The following HCN1 variants were observed in gnomAD, a reference collection of about 807,000 sequenced individuals.
HCN1 encodes hyperpolarization activated cyclic nucleotide gated potassium channel 1.
HCN1 carries 13 observed loss-of-function variants against 78.9 expected under a neutral mutation model. The ratio of observed to expected loss-of-function variants is 0.16; its 90% CI spans 0.11 to 0.26. The LOEUF (loss-of-function observed/expected upper bound fraction) is 0.26. Among genes scored for constraint, HCN1 ranks in the 10% least tolerant of loss-of-function variants. The pLI is 1.00. For missense variants in HCN1, 810 were observed against 1,154.3 expected, an observed-to-expected ratio of 0.70 and a Z score of 4.32; for synonymous variants, 552 against 455.5, an observed-to-expected ratio of 1.21 and a Z score of -2.70.
chr5:45,584,225 C>T (rs1047252903), intron 2 of HCN1, among the ~76,000 whole-genome samples: 17 of 150,056 alleles, frequency 1.1e-4, no homozygotes, highest in South Asian at 4.3e-4. Flanking sequence ...GTATTGGGTG[C>T]ATATATATTT....
At chr5:45,501,881 T>TA (rs1173351624) in intron 2 of HCN1, among the ~76,000 whole-genome samples, 7 of 152,320 alleles carry the variant, frequency 4.6e-5, no homozygotes, top group African/African-American at 1.4e-4. Context: ...TCAGAGTAGA[T>TA]ACAGCGTTTT....
At chr5:45,455,216 G>C (rs997826455) in intron 3 of HCN1, among the ~76,000 whole-genome samples, 1 of 151,940 alleles carries the variant, frequency 6.6e-6, no homozygotes, top group Non-Finnish European at 1.5e-5. Context: ...AACACAGTTT[G>C]GAAAACAGAA....
At chr5:45,538,033 TA>T (rs5867703) in intron 2 of HCN1, among the ~76,000 whole-genome samples, 119,247 of 147,010 alleles carry the variant, frequency 0.81, 48,570 homozygotes, top group Non-Finnish European at 0.86. Flanking sequence ...CAATAACAGT[TA>T]AAAAAAAAAA....
In HCN1 at chr5:45,256,206, A is replaced by G. The variant is rs1744610440; in HGVS notation, c.*5715T>C. ...GCCAACATGGTAAAACCCTGTCTCTACTAAAAATTACAAAAATTTAGCTAG... is the reference window on the plus strand; with the variant it reads ...GCCAACATGGTAAAACCCTGTCTCTGCTAAAAATTACAAAAATTTAGCTAG... On this transcript the variant is annotated 3_prime_UTR_variant, in exon 8 of 8. Transcript: ENST00000303230. 1 of 151,970 alleles carries G rather than the reference A, an allele frequency of 6.6e-6. No homozygotes were observed. The highest frequency in any genetic ancestry group is 2.1e-4 in the South Asian group (1 of 4,820). The allele number at this position is 151,970 out of a possible 1,614,324, so 9.4% of individuals were successfully genotyped here.
At chr5:45,487,139 T>C (rs1178550359) in intron 2 of HCN1, among the ~76,000 whole-genome samples, 1 of 152,102 alleles carries the variant, frequency 6.6e-6, no homozygotes, top group African/African-American at 2.4e-5. Flanking sequence ...GCCAAAACAA[T>C]CTGAAACAGA....
At chr5:45,552,985 A>C (rs1454128963) in intron 2 of HCN1, among the ~76,000 whole-genome samples, 1 of 151,970 alleles carries the variant, frequency 6.6e-6, no homozygotes, top group Non-Finnish European at 1.5e-5. Context: ...ATTGCACCTC[A>C]AAATATGCCA....
intron 1 of HCN1, among the ~76,000 whole-genome samples, chr5:45,665,100 G>A (rs866767543): frequency 3.5e-3 from 461 of 132,126 alleles, no homozygotes; most frequent in African/African-American, 5.7e-3. Context: ...CATATTCACC[G>A]TGGAATACTA....
intron 2 of HCN1, among the ~76,000 whole-genome samples, chr5:45,639,385 A>G (rs1745412843): frequency 6.6e-6 from 1 of 152,200 alleles, no homozygotes; most frequent in Non-Finnish European, 1.5e-5. Context: ...TATTACAGAA[A>G]TATCAGTTTA....
chr5:45,532,265 A>G (rs1030691133), intron 2 of HCN1, among the ~76,000 whole-genome samples: 18 of 152,202 alleles, frequency 1.2e-4, no homozygotes, highest in African/African-American at 4.3e-4. Context: ...GGCTAAAACA[A>G]TTGTGGTCAT....
At chr5:45,626,946 C>CAT (rs962932033) in intron 2 of HCN1, among the ~76,000 whole-genome samples, 26 of 149,804 alleles carry the variant, frequency 1.7e-4, no homozygotes, top group South Asian at 6.3e-4. Context: ...ATATACACGC[C>CAT]ATATATATAT....
At position 45,678,784 on chromosome 5, in the gene HCN1, T is replaced by C. The variant is rs182501599; in HGVS notation, c.425+16885A>G. Among the ~76,000 whole-genome samples, 488 of 152,180 alleles carry C rather than the reference T, an allele frequency of 3.2e-3. 2 individuals are homozygous for C. Among genetic ancestry groups the C allele is most frequent in the Admixed American group, 7.5e-3 (114 of 15,248 alleles). ...AAAGAAGTTTTGTTTCTTTTTTACATGTCTTCCTGAATAAGAACATTTCTA... is the reference window on the plus strand; with the variant it reads ...AAAGAAGTTTTGTTTCTTTTTTACACGTCTTCCTGAATAAGAACATTTCTA... On this transcript the variant is annotated intron_variant, in intron 1 of 7. Coordinates refer to ENST00000303230, the MANE Select transcript of HCN1 (RefSeq NM_021072.4).
chr5:45,369,621 T>C (rs1747311532), intron 4 of HCN1, among the ~76,000 whole-genome samples: 1 of 152,038 alleles, frequency 6.6e-6, no homozygotes, highest in South Asian at 2.1e-4. Context: ...TATTCTTCAG[T>C]GGTAAGAAAT....
In HCN1 at chr5:45,324,656, T is replaced by A. The variant is rs185188031; in HGVS notation, c.1378-20817A>T. Reference sequence around the variant, plus strand: ...TGAAATTCCACAGACTAATAAAACATGGCTTGGTTTGACACTTGGAAAAAT... The same window carrying A: ...TGAAATTCCACAGACTAATAAAACAAGGCTTGGTTTGACACTTGGAAAAAT... On this transcript the variant is annotated intron_variant, in intron 5 of 7. Transcript: ENST00000303230. Among the ~76,000 whole-genome samples, 202 of 151,910 alleles carry A rather than the reference T, an allele frequency of 1.3e-3. 1 individual carries two copies. Among genetic ancestry groups the A allele is most frequent in the Non-Finnish European group, 1.8e-3 (120 of 67,858 alleles).
chr5:45,555,075 G>A (rs564372910), intron 2 of HCN1, among the ~76,000 whole-genome samples: 3 of 151,756 alleles, frequency 2.0e-5, no homozygotes, highest in Non-Finnish European at 4.4e-5. Context: ...TAAATAAGGG[G>A]CATCCAGATT....
chr5:45,384,484 A>G (rs555884112), intron 4 of HCN1, among the ~76,000 whole-genome samples: 22 of 152,280 alleles, frequency 1.4e-4, no homozygotes, highest in African/African-American at 5.3e-4. Context: ...ACTGCAGAAC[A>G]TAAATTTTTA....
At chr5:45,551,535 A>G (rs1743370223) in intron 2 of HCN1, among the ~76,000 whole-genome samples, 1 of 152,004 alleles carries the variant, frequency 6.6e-6, no homozygotes, top group Non-Finnish European at 1.5e-5. Flanking sequence ...ATAGAAGATT[A>G]AAGATGGATA....
intron 2 of HCN1, among the ~76,000 whole-genome samples, chr5:45,481,448 A>G (rs1741649600): frequency 6.6e-6 from 1 of 152,228 alleles, no homozygotes; most frequent in Non-Finnish European, 1.5e-5. Context: ...GAATGAATTA[A>G]GAAGATAGGA....
At chr5:45,624,434 A>G (rs1352705092) in intron 2 of HCN1, among the ~76,000 whole-genome samples, 1 of 152,208 alleles carries the variant, frequency 6.6e-6, no homozygotes, top group Non-Finnish European at 1.5e-5. Context: ...AATCAGTGGA[A>G]TAGAATGGAC....
intron 1 of HCN1, among the ~76,000 whole-genome samples, chr5:45,647,826 C>A (rs1745581405): frequency 6.6e-6 from 1 of 152,112 alleles, no homozygotes; most frequent in South Asian, 2.1e-4. Flanking sequence ...TAACTCCTGG[C>A]CCTAAATCTG....
Sources: gnomAD v4.1 joint callset for allele counts (sites outside exome capture counted in the v4.1 genomes callset) on GRCh38, gnomAD v4.1.1 for gene constraint, MANE v1.5 for transcripts, NCBI Gene and HGNC (gene_info 2026-07-23, HGNC 2026-07-21) for gene names.